Variants in FSIP2 observed in about 807,000 individuals in gnomAD.
FSIP2 encodes the protein fibrous sheath interacting protein 2.
A neutral mutation model predicts 510.5 loss-of-function variants in FSIP2; 367 were observed. The ratio of observed to expected loss-of-function variants is 0.72; its 90% confidence interval spans 0.66 to 0.78. The LOEUF (loss-of-function observed/expected upper bound fraction) is 0.78. Ranked by LOEUF, FSIP2 falls within the 30% of genes least tolerant of loss-of-function variation. The probability of loss-of-function intolerance (pLI) is 0.00; values close to 1 mark genes in which losing one functional copy is unlikely to be tolerated. For missense variants in FSIP2, 7,594 were observed against 7,901.7 expected, an observed-to-expected ratio of 0.96 and a Z score of 1.48; for synonymous variants, 2,601 against 2,732.2, an observed-to-expected ratio of 0.95 and a Z score of 1.50.
rs530266510 is a variant in FSIP2, at chr2:185,764,551, A to G, written c.1397A>G (p.Tyr466Cys). The change falls in exon 13 of 23, where the codon TAT becomes TGT. Residue 466 changes from tyrosine (Y) to cysteine (C), a missense_variant. Tyr to Cys is a radical substitution (Grantham distance 194). Coordinates refer to ENST00000424728, the MANE Select transcript of FSIP2 (RefSeq NM_173651.4). ...WDGRPTKRSS[Y>C]LCESGPQAHA... ...GGAAGACCAACCAAGAGATCAAGCT[A>G]TCTCTGCGAATCAGGTAAATATCAG... The G allele has an allele frequency of 5.9e-6, 9 of 1,525,538 alleles. No individual in the cohort carries two copies. The highest frequency in any genetic ancestry group is 2.5e-5 in the East Asian group (1 of 40,690). The allele number at this position is 1,525,538 out of a possible 1,614,324, so 94.5% of individuals were successfully genotyped here.
intron 17 of FSIP2, 41 bp downstream of exon 17, chr2:185,809,174 A>G (rs1405164482): frequency 1.3e-6 from 2 of 1,506,460 alleles, no homozygotes; most frequent in Non-Finnish European, 1.8e-6. Context: ...GTGAATAGTG[A>G]GACATGGTTC....
chr2:185,756,651 G>T (rs1692252461), intron 9 of FSIP2, among the ~76,000 whole-genome samples: 1 of 151,186 alleles, frequency 6.6e-6, no homozygotes, highest in African/African-American at 2.4e-5. Context: ...GATTCACTGT[G>T]GCCTTTAATG....
intron 6 of FSIP2, 77 bp downstream of exon 6, chr2:185,746,887 C>T (rs1692045683): frequency 9.8e-7 from 1 of 1,020,230 alleles, no homozygotes; most frequent in Non-Finnish European, 1.4e-6. Flanking sequence ...TTTAACTGTA[C>T]ATTGTGCTGC....
rs1186930530 is a variant in FSIP2 at position 185,794,707 on chromosome 2, A to G, written c.7571A>G (p.Asp2524Gly). ...FISNSKIKTSDTTQKNSFQSH... is the reference protein window; with the variant it reads ...FISNSKIKTSGTTQKNSFQSH... Reference sequence around the variant, plus strand: ...TCTAATTCTAAGATTAAAACATCAGACACAACACAGAAAAACAGTTTTCAA... The same window carrying G: ...TCTAATTCTAAGATTAAAACATCAGGCACAACACAGAAAAACAGTTTTCAA... The change falls in exon 16 of 23, where the codon GAC (aspartate) becomes GGC (glycine). Residue 2524 changes from aspartate (D) to glycine (G), a missense_variant. Physicochemically the swap from Asp to Gly is moderately conservative, Grantham distance 94. Coordinates refer to ENST00000424728, the MANE Select transcript of FSIP2 (RefSeq NM_173651.4). 6.5e-7 allele frequency: 1 copy of G among 1,534,118 alleles called. No homozygotes were observed. Among genetic ancestry groups the G allele is most frequent in the Non-Finnish European group, 8.7e-7 (1 of 1,145,552 alleles).
intron 15 of FSIP2, among the ~76,000 whole-genome samples, chr2:185,786,670 T>G (rs1692987491): frequency 6.6e-6 from 1 of 151,860 alleles, no homozygotes; most frequent in Admixed American, 6.6e-5. Context: ...TTGAGATGCT[T>G]GGATCTGTCT....
chr2:185,801,995 C>T lies in FSIP2; in HGVS notation c.12689C>T (p.Ser4230Leu). 2 of 1,522,430 alleles carry T rather than the reference C, an allele frequency of 1.3e-6. No individual in the cohort carries two copies. The highest frequency in any genetic ancestry group is 1.8e-6 in the Non-Finnish European group (2 of 1,141,128). 94.3% of individuals were successfully genotyped at this position (1,522,430 alleles called of 1,614,324 possible). Residue 4230 changes from serine (S) to leucine (L), a missense_variant, in exon 17 of 23, where the codon TCA (serine) becomes TTA (leucine). Coordinates refer to ENST00000424728, the MANE Select transcript of FSIP2 (RefSeq NM_173651.4). ...NILQMSDSLV[S>L]IQKSIVSRSP... is the part of the protein sequence containing the mutation. ...TTGCAAATGTCTGACTCTCTTGTTT[C>T]AATACAAAAAAGTATAGTAAGCCGA...
In FSIP2 at chr2:185,791,060, T is replaced by G; in HGVS notation, c.3924T>G (p.Asn1308Lys). 4 of 1,532,264 alleles carry G rather than the reference T, an allele frequency of 2.6e-6. No individual in the cohort carries two copies. The highest frequency in any genetic ancestry group is 3.5e-6 in the Non-Finnish European group (4 of 1,144,768). 94.9% of individuals were successfully genotyped at this position (1,532,264 alleles called of 1,614,324 possible). A position where few individuals can be genotyped will look rare whatever the true frequency, so the allele number is the denominator to read the frequency against. Residue 1308 changes from asparagine (N) to lysine (K), a missense_variant, in exon 16 of 23, where the codon AAT becomes AAG. Physicochemically the swap from Asn to Lys is moderately conservative, Grantham distance 94 (BLOSUM62 0). Transcript: ENST00000424728. ...IVNIVLCAIQNELELHKENLN... is the reference protein window; with the variant it reads ...IVNIVLCAIQKELELHKENLN... ...ACATTGTTTTATGTGCTATCCAGAA[T>G]GAACTGGAACTTCACAAGGAAAACC...
Position 185,782,727 on chromosome 2 carries a change from C to G in FSIP2, c.1434C>G (p.Asp478Glu). ...TAGGACCTCAGGCTCATGCTACAGA[C>G]CCGGGTATATTTTCTTCTCCTGTTT... ...CESGPQAHAT[D>E]PGIFSSPVYT... The change falls in exon 14 of 23, where the codon GAC becomes GAG. Residue 478 changes from aspartate (D) to glutamate (E), a missense_variant. By Grantham distance (45) the Asp-to-Glu change is conservative. Transcript: ENST00000424728. 6.6e-7 allele frequency: 1 copy of G among 1,515,376 alleles called. No individual in the cohort carries two copies. Among genetic ancestry groups the G allele is most frequent in the Admixed American group, 2.0e-5 (1 of 50,976 alleles). 93.9% of individuals were successfully genotyped at this position (1,515,376 alleles called of 1,614,324 possible).
chr2:185,794,248 T>G lies in FSIP2; in HGVS notation c.7112T>G (p.Ile2371Ser). ...KLIKNDLDLEIQKIYPYQNNI... is the reference protein window; with the variant it reads ...KLIKNDLDLESQKIYPYQNNI... The stretch of plus-strand genomic sequence containing the variant: ...ATTAAAAATGACTTAGACTTAGAAA[T>G]TCAAAAGATATATCCATATCAAAAC... Residue 2371 changes from isoleucine to serine, a missense_variant, in exon 16 of 23, where the codon ATT becomes AGT. Transcript: ENST00000424728. 1 of 1,533,812 alleles carries G rather than the reference T, an allele frequency of 6.5e-7. No individual in the cohort carries two copies. Among genetic ancestry groups the G allele is most frequent in the Non-Finnish European group, 8.7e-7 (1 of 1,145,444 alleles).
rs1693239160 is a variant in FSIP2, at chr2:185,795,219, T to TG, written c.8083_8084insG (p.Leu2695CysfsTer51). ...TGCTAAGGCCAAAAGCAAAACCAAG[T>TG]TAGGTCCTGGAGAGAAGACCCTAAA... On this transcript the variant is annotated frameshift_variant, in exon 16 of 23. Transcript: ENST00000424728. LOFTEE classifies it high-confidence loss of function. 1.3e-6 allele frequency: 2 copies of TG among 1,534,992 alleles called. No homozygotes were observed. The highest frequency in any genetic ancestry group is 4.9e-5 in the East Asian group (2 of 40,846).
Position 185,808,971 on chromosome 2 carries a change from G to C in FSIP2, c.19665G>C (p.Lys6555Asn). The C allele has an allele frequency of 1.2e-6, 2 of 1,611,832 alleles. No individual in the cohort carries two copies. The highest frequency in any genetic ancestry group is 1.7e-6 in the Non-Finnish European group (2 of 1,179,244). Reference sequence around the variant, plus strand: ...AAACTCAACCTCTTGAGAAACTTAAGCAGGAGTGTTTGAAAAGAACTGGAC... The same window carrying C: ...AAACTCAACCTCTTGAGAAACTTAACCAGGAGTGTTTGAAAAGAACTGGAC... ...SIKTQPLEKL[K>N]QECLKRTGHS... Residue 6555 changes from lysine to asparagine, a missense_variant, in exon 17 of 23, where the codon AAG becomes AAC. By Grantham distance (94) the Lys-to-Asn change is moderately conservative. Transcript: ENST00000424728.
chr2:185,803,817 T>A lies in FSIP2; in HGVS notation c.14511T>A (p.Ile4837=). 2 of 1,508,484 alleles carry A rather than the reference T, an allele frequency of 1.3e-6. No homozygotes were observed. Among genetic ancestry groups the A allele is most frequent in the Non-Finnish European group, 1.8e-6 (2 of 1,131,578 alleles). The allele number at this position is 1,508,484 out of a possible 1,614,324, so 93.4% of individuals were successfully genotyped here. A position where few individuals can be genotyped will look rare whatever the true frequency, so the allele number is the denominator to read the frequency against. The change falls in exon 17 of 23, where the codon ATT becomes ATA. Residue 4837 remains isoleucine, a synonymous_variant. Coordinates refer to ENST00000424728, the MANE Select transcript of FSIP2 (RefSeq NM_173651.4). ...TGATAAATGAAATTATGTCAATAAT[T>A]TCAAAACATGAAATATGTATTATTA... ...IKLINEIMSI[I]SKHEICIIKY...
Position 185,805,997 on chromosome 2 carries a change from T to C in FSIP2, c.16691T>C (p.Ile5564Thr), listed in dbSNP as rs1337080634. The C allele has an allele frequency of 6.4e-7, 1 of 1,557,066 alleles. No homozygotes were observed. Among genetic ancestry groups the C allele is most frequent in the East Asian group, 2.2e-5 (1 of 44,510 alleles). ...AGTGAAACATTTAATAATAATGAAATTGAGAAGAAAAGAAATTTAATTCCA... is the reference window on the plus strand; with the variant it reads ...AGTGAAACATTTAATAATAATGAAACTGAGAAGAAAAGAAATTTAATTCCA... ...NLSETFNNNEIEKKRNLIPTD... is the reference protein window; with the variant it reads ...NLSETFNNNETEKKRNLIPTD... The change falls in exon 17 of 23, where the codon ATT (isoleucine) becomes ACT (threonine). Residue 5564 changes from isoleucine to threonine, a missense_variant. Physicochemically the swap from Ile to Thr is moderately conservative, Grantham distance 89 (BLOSUM62 -1). Transcript: ENST00000424728.
chr2:185,797,701 A>G (rs1473117231), intron 16 of FSIP2, 175 bp downstream of exon 16: 1 of 660,030 alleles, frequency 1.5e-6, no homozygotes, highest in Non-Finnish European at 2.7e-6. Context: ...GTATTATTTT[A>G]TTTTATTTAG....
At chr2:185,784,566 AT>A (rs1692924840) in intron 14 of FSIP2, among the ~76,000 whole-genome samples, 1 of 152,226 alleles carries the variant, frequency 6.6e-6, no homozygotes, top group South Asian at 2.1e-4. Flanking sequence ...ATAGGAATTT[AT>A]TTATCAAACA....
At chr2:185,739,053 G>A in intron 1 of FSIP2, 60 bp downstream of exon 1, 1 of 1,489,530 alleles carries the variant, frequency 6.7e-7, no homozygotes, top group Non-Finnish European at 8.9e-7. Context: ...GCTGGGGAGC[G>A]GGGCAGGGAT....
rs1206750951 is a variant in FSIP2, at chr2:185,804,125, C to T, written c.14819C>T (p.Ser4940Phe). 49 of 1,521,842 alleles carry T rather than the reference C, an allele frequency of 3.2e-5. No homozygotes were observed. Among genetic ancestry groups the T allele is most frequent in the Non-Finnish European group, 4.3e-5 (49 of 1,141,342 alleles). 94.3% of individuals were successfully genotyped at this position (1,521,842 alleles called of 1,614,324 possible). ...ATAGATCCTAAACAAAGAGAATTAT[C>T]TTTTATTGTGAACTCATCTGTCTTT... Reference protein sequence around the residue: ...KAIDPKQRELSFIVNSSVFLE... With the variant: ...KAIDPKQRELFFIVNSSVFLE... The change falls in exon 17 of 23, where the codon TCT (serine) becomes TTT (phenylalanine). Residue 4940 changes from serine (S) to phenylalanine (F), a missense_variant. Coordinates refer to ENST00000424728, the MANE Select transcript of FSIP2 (RefSeq NM_173651.4).
intron 17 of FSIP2, among the ~76,000 whole-genome samples, chr2:185,810,720 G>A (rs1693710803): frequency 6.7e-6 from 1 of 149,050 alleles, no homozygotes; most frequent in South Asian, 2.1e-4. Flanking sequence ...GCTGAAGACA[G>A]AGCCTCTTTT....
At chr2:185,740,326 T>G (rs1326152408) in intron 2 of FSIP2, 1 of 152,196 alleles carries the variant, frequency 6.6e-6, no homozygotes, top group Non-Finnish European at 1.5e-5. Context: ...TGGATTATAG[T>G]GTGTACTTCC....
Sources: gnomAD v4.1 joint callset for allele counts (sites outside exome capture counted in the v4.1 genomes callset) on GRCh38, gnomAD v4.1.1 for gene constraint, MANE v1.5 for transcripts, NCBI Gene and HGNC (gene_info 2026-07-23, HGNC 2026-07-21) for gene names.